SCP2: variants seen among roughly 807,000 people sequenced by gnomAD.
SCP2 encodes the protein sterol carrier protein 2, also known as SCP-2/3-oxoacyl-CoA thiolase.
Under a neutral mutation model 71.4 loss-of-function variants are expected in SCP2, and 48 were observed. The ratio of observed to expected loss-of-function variants is 0.67; its 90% CI spans 0.53 to 0.86. The LOEUF (loss-of-function observed/expected upper bound fraction) is 0.86. Ranked by LOEUF, SCP2 falls within the 40% of genes least tolerant of loss-of-function variation. The probability of loss-of-function intolerance (pLI) is 0.00; values close to 1 mark genes in which losing one functional copy is unlikely to be tolerated. For synonymous variants in SCP2, 220 were observed against 218.1 expected (o/e 1.01, Z -0.08); for missense variants, 560 against 655.6 (o/e 0.85, Z 1.59).
At chr1:53,039,728 A>T (rs1346926506) in intron 14 of SCP2, among the ~76,000 whole-genome samples, 1 of 152,204 alleles carries the variant, frequency 6.6e-6, no homozygotes, top group East Asian at 1.9e-4. Context: ...GAGTGTTCCA[A>T]GGCTCAGTTC....
intron 10 of SCP2, among the ~76,000 whole-genome samples, chr1:52,984,551 C>A (rs924437088): frequency 1.0e-5 from 1 of 96,320 alleles, no homozygotes; most frequent in Non-Finnish European, 2.3e-5. Context: ...TTTTTTTTTT[C>A]TTTGAGATGG....
rs77467220 is a variant in SCP2 at position 52,962,541 on chromosome 1, T to C, written c.523+912T>C. On this transcript the variant is annotated intron_variant, in intron 6 of 15. Transcript: ENST00000371514. ...TTCAGATTGAAACCCAAATGTCTTC[T>C]TATGGCCTATGAGCTTCTACATGAT... Among the ~76,000 whole-genome samples, 22 of 152,306 alleles carry C rather than the reference T, an allele frequency of 1.4e-4. No individual in the cohort carries two copies. In the East Asian group the frequency reaches 4.1e-3, roughly 28 times the overall value.
At chr1:53,036,019 C>CAAAAAAAAAA (rs35164089) in intron 13 of SCP2, among the ~76,000 whole-genome samples, 1 of 63,292 alleles carries the variant, frequency 1.6e-5, no homozygotes, top group Non-Finnish European at 3.6e-5. Context: ...GACTCCGTCT[C>CAAAAAAAAAA]AAAAAAAAAA....
chr1:52,940,894 C>T (rs57915541), intron 1 of SCP2, among the ~76,000 whole-genome samples: 3 of 152,086 alleles, frequency 2.0e-5, no homozygotes, highest in Non-Finnish European at 2.9e-5. Flanking sequence ...GGATCACAGG[C>T]GTATACCGCC....
intron 11 of SCP2, among the ~76,000 whole-genome samples, chr1:52,989,120 T>C (rs1345836924): frequency 6.6e-6 from 1 of 152,250 alleles, no homozygotes; most frequent in African/African-American, 2.4e-5. Flanking sequence ...TTCCATACAC[T>C]TATTCCTAAG....
intron 14 of SCP2, among the ~76,000 whole-genome samples, chr1:53,045,309 A>G (rs1428205904): frequency 6.6e-6 from 1 of 152,240 alleles, no homozygotes; most frequent in East Asian, 1.9e-4. Flanking sequence ...AAATGGAACC[A>G]TAGAACAATA....
Position 52,969,688 on chromosome 1 carries a change from G to A in SCP2, c.524-5081G>A, listed in dbSNP as rs544935449. Among the ~76,000 whole-genome samples the A allele has an allele frequency of 5.9e-5, 9 of 152,002 alleles. No individual in the cohort carries two copies. The South Asian group carries it at 6.3e-4, about 11-fold the overall frequency. ...ATACAAAAATTAGCCGGGCGTGGTC[G>A]CGTGTGCCTGTAATCCCAGCAACTG... On this transcript the variant is annotated intron_variant, in intron 6 of 15. Coordinates refer to ENST00000371514, the MANE Select transcript of SCP2 (RefSeq NM_002979.5).
chr1:52,964,424 T>C (rs537916304), intron 6 of SCP2, among the ~76,000 whole-genome samples: 1 of 151,864 alleles, frequency 6.6e-6, no homozygotes, highest in East Asian at 1.9e-4. Flanking sequence ...ATGGTCTCAA[T>C]CTCCTGACCT....
rs915218128 is a variant in SCP2, at chr1:53,015,177, G to A, written c.1235+134G>A. On this transcript the variant is annotated intron_variant, in intron 12 of 15. Transcript: ENST00000371514. ...AAAGTATCTCATTACATTGTTTTAA[G>A]AACATGGCTTTAAAAGTGGCCATCA... is the stretch of plus-strand genomic sequence containing the variant. 43 of 928,640 alleles carry A rather than the reference G, an allele frequency of 4.6e-5. No homozygotes were observed. In the East Asian group the frequency reaches 1.0e-3, roughly 22 times the overall value. 57.5% of individuals were successfully genotyped at this position (928,640 alleles called of 1,614,324 possible).
At chr1:52,977,137 G>A (rs1658047046) in intron 8 of SCP2, among the ~76,000 whole-genome samples, 1 of 152,124 alleles carries the variant, frequency 6.6e-6, no homozygotes, top group African/African-American at 2.4e-5. Context: ...GTAGCTATGA[G>A]TAAAAGTAAA....
chr1:53,047,281 T>G (rs1663882038), intron 14 of SCP2, among the ~76,000 whole-genome samples: 2 of 152,212 alleles, frequency 1.3e-5, no homozygotes, highest in South Asian at 4.1e-4. Context: ...AATCATTTAA[T>G]GTAACAAAAT....
Position 52,950,982 on chromosome 1 carries a change from TA to T in SCP2, c.331+102del, listed in dbSNP as rs768088053. The T allele has an allele frequency of 7.7e-6, 11 of 1,422,260 alleles. No individual in the cohort carries two copies. In the Admixed American group the frequency reaches 8.4e-5, roughly 11 times the overall value. 88.1% of individuals were successfully genotyped at this position (1,422,260 alleles called of 1,614,324 possible). Reference sequence around the variant, plus strand: ...GAATTATTTTATAATGTATTTGTTTTAAAAAAGTCTTCATCAGGCCGGGTGT... The same window carrying T: ...GAATTATTTTATAATGTATTTGTTTTAAAAAGTCTTCATCAGGCCGGGTGT... On this transcript the variant is annotated intron_variant, in intron 4 of 15. Coordinates refer to ENST00000371514, the MANE Select transcript of SCP2 (RefSeq NM_002979.5).
At chr1:52,955,047 A>G (rs1251242192) in intron 5 of SCP2, among the ~76,000 whole-genome samples, 3 of 152,210 alleles carry the variant, frequency 2.0e-5, no homozygotes, top group Non-Finnish European at 4.4e-5. Flanking sequence ...TTTTTTGATA[A>G]ATGAATTACA....
At chr1:52,965,795 T>G (rs1472469648) in intron 6 of SCP2, among the ~76,000 whole-genome samples, 1 of 151,392 alleles carries the variant, frequency 6.6e-6, no homozygotes, top group Non-Finnish European at 1.5e-5. Flanking sequence ...TCACCAAGCT[T>G]GGCTAATTTT....
intron 10 of SCP2, 67 bp from the exon 11 acceptor site, chr1:52,987,962 T>A: frequency 1.2e-6 from 1 of 868,242 alleles, no homozygotes; most frequent in Non-Finnish European, 2.0e-6. Flanking sequence ...ATGGAAATCT[T>A]ATAAAAGCAT....
chr1:52,964,264 T>G (rs1656747842), intron 6 of SCP2, among the ~76,000 whole-genome samples: 1 of 150,254 alleles, frequency 6.7e-6, no homozygotes, highest in Non-Finnish European at 1.5e-5. Flanking sequence ...TGCAGTGGCA[T>G]GATCTTGGCT....
chr1:52,993,915 C>T (rs1282478037), intron 11 of SCP2: 2 of 1,401,758 alleles, frequency 1.4e-6, no homozygotes, highest in Non-Finnish European at 1.9e-6. Context: ...AAATCTTCAG[C>T]CCTATACTAG....
Position 53,051,189 on chromosome 1 carries a change from G to A in SCP2, c.*485G>A, listed in dbSNP as rs1483676653. On this transcript the variant is annotated 3_prime_UTR_variant, in exon 16 of 16. Transcript: ENST00000371514. ...TCTCAATAGTTCTTAAAATTAGTGAGATTAAAAATCTAAAAATTTTGCATT... is the reference window on the plus strand; with the variant it reads ...TCTCAATAGTTCTTAAAATTAGTGAAATTAAAAATCTAAAAATTTTGCATT... 6.6e-6 allele frequency: 1 copy of A among 152,312 alleles called. No individual in the cohort carries two copies. Among genetic ancestry groups the A allele is most frequent in the Non-Finnish European group, 1.5e-5 (1 of 68,176 alleles). 9.4% of individuals were successfully genotyped at this position (152,312 alleles called of 1,614,324 possible).
At chr1:53,046,227 A>G (rs1663804207) in intron 14 of SCP2, among the ~76,000 whole-genome samples, 1 of 151,972 alleles carries the variant, frequency 6.6e-6, no homozygotes, top group African/African-American at 2.4e-5. Context: ...TTTATGTGAA[A>G]CTTCCAGACT....
Sources: allele counts gnomAD v4.1 joint callset (sites outside exome capture counted in the v4.1 genomes callset), GRCh38; gene constraint gnomAD v4.1.1; transcripts MANE v1.5; gene names NCBI Gene and HGNC (gene_info 2026-07-23, HGNC 2026-07-21).